The following SLIT2 variants were observed in gnomAD, a reference collection of about 807,000 sequenced individuals.
SLIT2 encodes the protein slit guidance ligand 2.
In SLIT2, 41 loss-of-function variants were observed where a neutral mutation model predicts 185.7. The ratio of observed to expected loss-of-function variants is 0.22; its 90% CI spans 0.17 to 0.29. SLIT2 has a LOEUF of 0.29. Ranked by LOEUF, SLIT2 falls within the 10% of genes least tolerant of loss-of-function variation. The pLI is 1.00. For missense variants in SLIT2, 1,571 were observed against 1,909.0 expected, an observed-to-expected ratio of 0.82 and a Z score of 3.30; for synonymous variants, 693 against 680.2, an observed-to-expected ratio of 1.02 and a Z score of -0.29.
intron 4 of SLIT2, among the ~76,000 whole-genome samples, chr4:20,370,691 A>G (rs967990724): frequency 1.3e-5 from 2 of 152,102 alleles, no homozygotes; most frequent in Non-Finnish European, 2.9e-5. Context: ...GTAAATGGCT[A>G]TGAGGAAGTG....
intron 4 of SLIT2, among the ~76,000 whole-genome samples, chr4:20,465,177 A>G (rs761374472): frequency 4.6e-5 from 7 of 152,228 alleles, no homozygotes; most frequent in Non-Finnish European, 8.8e-5. Flanking sequence ...AATCATCTTT[A>G]GAAATCCCTA....
chr4:20,617,732 TGAA>T, intron 36 of SLIT2, 82 bp downstream of exon 36: 1 of 467,750 alleles, frequency 2.1e-6, no homozygotes, highest in Non-Finnish European at 3.1e-6. Context: ...GGAGAAAAAG[TGAA>T]AAAAAAAAAA....
intron 4 of SLIT2, among the ~76,000 whole-genome samples, chr4:20,352,923 A>G (rs888374938): frequency 1.3e-5 from 2 of 152,312 alleles, no homozygotes; most frequent in Non-Finnish European, 2.9e-5. Context: ...AAATAATGAT[A>G]ATAATAATTT....
intron 34 of SLIT2, chr4:20,615,468 C>CT (rs1446671214): frequency 2.0e-5 from 3 of 152,198 alleles, no homozygotes; most frequent in African/African-American, 7.2e-5. Context: ...AGAGAGGAGC[C>CT]TGTAAAGCTG....
chr4:20,392,223 A>C (rs1221530976), intron 4 of SLIT2: 1 of 152,098 alleles, frequency 6.6e-6, no homozygotes, highest in Non-Finnish European at 1.5e-5. Flanking sequence ...CCCATACAGC[A>C]TGGCACTATA....
At chr4:20,502,822 T>G (rs150412169) in intron 9 of SLIT2, among the ~76,000 whole-genome samples, 3 of 152,136 alleles carry the variant, frequency 2.0e-5, no homozygotes, top group African/African-American at 7.2e-5. Context: ...ATTTCCATGA[T>G]AGAAAAATCA....
intron 4 of SLIT2, among the ~76,000 whole-genome samples, chr4:20,417,961 C>T (rs562651447): frequency 6.6e-6 from 1 of 152,310 alleles, no homozygotes; most frequent in South Asian, 2.1e-4. Context: ...CCATAACTAT[C>T]TTTCACCTTG....
At chr4:20,406,123 A>G (rs1196011173) in intron 4 of SLIT2, among the ~76,000 whole-genome samples, 1 of 144,048 alleles carries the variant, frequency 6.9e-6, no homozygotes, top group African/African-American at 2.4e-5. Flanking sequence ...AAACAACTGA[A>G]TCTTCCTCTT....
chr4:20,366,451 A>T (rs1723123247), intron 4 of SLIT2, among the ~76,000 whole-genome samples: 1 of 152,170 alleles, frequency 6.6e-6, no homozygotes, highest in African/African-American at 2.4e-5. Context: ...AGGAGAATAG[A>T]ATAGTAAGAT....
chr4:20,351,205 C>T (rs528773348), intron 4 of SLIT2, among the ~76,000 whole-genome samples: 73 of 152,070 alleles, frequency 4.8e-4, no homozygotes, highest in African/African-American at 1.6e-3. Flanking sequence ...CCCACCAACA[C>T]GACTGTCTAA....
chr4:20,540,870 G>A (rs1292773741), intron 19 of SLIT2, among the ~76,000 whole-genome samples: 2 of 152,166 alleles, frequency 1.3e-5, no homozygotes, highest in Non-Finnish European at 2.9e-5. Context: ...ATGCTGAAGT[G>A]GTGAGATGCC....
intron 4 of SLIT2, among the ~76,000 whole-genome samples, chr4:20,451,989 G>T (rs1577683046): frequency 6.6e-6 from 1 of 152,220 alleles, no homozygotes; most frequent in Non-Finnish European, 1.5e-5. Context: ...CGTTAAAAAT[G>T]TTAAAAGTAA....
At position 20,539,735 on chromosome 4, in the gene SLIT2, A is replaced by T. The variant is rs542052560; in HGVS notation, c.1976+151A>T. 176 of 479,820 alleles carry T rather than the reference A, an allele frequency of 3.7e-4. 1 individual carries two copies. Among genetic ancestry groups the T allele is most frequent in the Non-Finnish European group, 2.1e-4 (60 of 290,602 alleles). The allele number at this position is 479,820 out of a possible 1,614,324, so 29.7% of individuals were successfully genotyped here. The stretch of plus-strand genomic sequence containing the variant: ...ACTTGTTCACATCAAATTTATTTAA[A>T]TTTTTTAAAAAATATTACCTACTAT... On this transcript the variant is annotated intron_variant, in intron 19 of 36. Transcript: ENST00000504154.
chr4:20,358,677 C>A (rs942821615), intron 4 of SLIT2, among the ~76,000 whole-genome samples: 10 of 152,034 alleles, frequency 6.6e-5, no homozygotes, highest in Admixed American at 4.6e-4. Context: ...ACTCATGCAC[C>A]TTGAAGTTAA....
intron 4 of SLIT2, among the ~76,000 whole-genome samples, chr4:20,344,761 C>T (rs541720360): frequency 2.2e-4 from 34 of 152,230 alleles, no homozygotes; most frequent in Middle Eastern, 3.4e-3. Context: ...CATACTAATC[C>T]CCTTTAACCT....
intron 15 of SLIT2, among the ~76,000 whole-genome samples, chr4:20,527,293 CT>C (rs1000895901): frequency 6.5e-4 from 96 of 146,598 alleles, no homozygotes; most frequent in East Asian, 2.2e-3. Flanking sequence ...GAGAGTTCAT[CT>C]TTTTTTTTTT....
At chr4:20,361,681 G>A (rs930150956) in intron 4 of SLIT2, among the ~76,000 whole-genome samples, 3 of 151,920 alleles carry the variant, frequency 2.0e-5, no homozygotes, top group Admixed American at 6.6e-5. Context: ...CATTAAAATG[G>A]CATATTGAAT....
At chr4:20,603,709 T>G (rs1050895127) in intron 33 of SLIT2, among the ~76,000 whole-genome samples, 2 of 152,146 alleles carry the variant, frequency 1.3e-5, no homozygotes, top group Non-Finnish European at 2.9e-5. Flanking sequence ...CTGCTCAAAT[T>G]CAGGGGACTT....
At chr4:20,275,678 G>T (rs1405558625) in intron 4 of SLIT2, among the ~76,000 whole-genome samples, 1 of 152,022 alleles carries the variant, frequency 6.6e-6, no homozygotes, top group African/African-American at 2.4e-5. Context: ...CTCTTTACTT[G>T]GCTGCAGAAG....
Sources: allele counts gnomAD v4.1 joint callset (sites outside exome capture counted in the v4.1 genomes callset), GRCh38; gene constraint gnomAD v4.1.1; transcripts MANE v1.5; gene names NCBI Gene and HGNC (gene_info 2026-07-23, HGNC 2026-07-21).